The following FBXO38 variants were observed in gnomAD, a reference collection of about 807,000 sequenced individuals.
FBXO38 encodes F-box protein 38.
A neutral mutation model predicts 131.9 loss-of-function variants in FBXO38; 53 were observed. That is an observed-to-expected ratio of 0.40 (90% CI 0.32 to 0.51). The LOEUF (loss-of-function observed/expected upper bound fraction) is 0.51, where lower values mean the gene tolerates loss of function less well. Ranked by LOEUF, FBXO38 falls within the 20% of genes least tolerant of loss-of-function variation. The probability of loss-of-function intolerance (pLI) is 0.53; values close to 1 mark genes in which losing one functional copy is unlikely to be tolerated. For missense variants in FBXO38, 1,076 were observed against 1,475.6 expected, an observed-to-expected ratio of 0.73 and a Z score of 4.44; for synonymous variants, 452 against 505.6, an observed-to-expected ratio of 0.89 and a Z score of 1.42.
intron 13 of FBXO38, among the ~76,000 whole-genome samples, chr5:148,424,968 A>C (rs866905928): frequency 6.6e-6 from 1 of 152,192 alleles, no homozygotes; most frequent in Non-Finnish European, 1.5e-5. Flanking sequence ...CAGATAAAAC[A>C]TTTTTTACAT....
chr5:148,409,697 A>T (rs1752640280), intron 8 of FBXO38, among the ~76,000 whole-genome samples: 1 of 152,246 alleles, frequency 6.6e-6, no homozygotes, highest in Non-Finnish European at 1.5e-5. Context: ...ATATCACTTT[A>T]TGCCACATTT....
In FBXO38 at chr5:148,440,457, C is replaced by T; in HGVS notation, c.3204C>T (p.Ala1068=). 1 of 1,612,574 alleles carries T rather than the reference C, an allele frequency of 6.2e-7. No individual in the cohort carries two copies. Among genetic ancestry groups the T allele is most frequent in the Non-Finnish European group, 8.5e-7 (1 of 1,178,784 alleles). Reference sequence around the variant, plus strand: ...TTAAATATGAATTCTTCCCTGAAGCCACTCGAAGTGAAGAAGACTTAAAGA... The same window carrying T: ...TTAAATATGAATTCTTCCCTGAAGCTACTCGAAGTGAAGAAGACTTAAAGA... ...ELIKYEFFPE[A]TRSEEDLKKY... is the part of the protein sequence containing the mutation. Residue 1068 remains alanine (A), a synonymous_variant, in exon 20 of 22, where the codon GCC becomes GCT. Transcript: ENST00000340253.
chr5:148,386,660 A>G (rs1464567084), intron 1 of FBXO38, among the ~76,000 whole-genome samples: 1 of 152,152 alleles, frequency 6.6e-6, no homozygotes, highest in African/African-American at 2.4e-5. Context: ...GAAGTTGCTA[A>G]GCCTATAGGT....
rs1029739858 is a variant in FBXO38, at chr5:148,401,915, C to T, written c.263-67C>T. 29 of 1,435,806 alleles carry T rather than the reference C, an allele frequency of 2.0e-5. No individual in the cohort carries two copies. The Admixed American group carries it at 2.2e-4, about 11-fold the overall frequency. The allele number at this position is 1,435,806 out of a possible 1,614,324, so 88.9% of individuals were successfully genotyped here. The stretch of plus-strand genomic sequence containing the variant: ...CTTTTTTAACTTTTGGTAAAAATCA[C>T]GAGTGCCTAGTAAATGTTAATGAAC... On this transcript the variant is annotated intron_variant, in intron 3 of 21. Coordinates refer to ENST00000340253, the MANE Select transcript of FBXO38 (RefSeq NM_205836.3).
At chr5:148,414,089 A>G in intron 9 of FBXO38, 47 bp from the exon 10 acceptor site, 2 of 1,559,110 alleles carry the variant, frequency 1.3e-6, no homozygotes, top group Non-Finnish European at 1.7e-6. Context: ...ACTCCCTAAC[A>G]CTTAAGAATT....
At chr5:148,427,145 C>G (rs748587621) in intron 14 of FBXO38, 68 bp from the exon 15 acceptor site, 3 of 1,506,130 alleles carry the variant, frequency 2.0e-6, no homozygotes, top group Admixed American at 4.5e-5. Context: ...TTTACTCTTG[C>G]GTTTTGTCCA....
intron 10 of FBXO38, 60 bp downstream of exon 10, chr5:148,414,366 A>G (rs781307212): frequency 4.0e-5 from 53 of 1,318,658 alleles, no homozygotes; most frequent in Non-Finnish European, 5.2e-5. Context: ...ACAACTTTCC[A>G]TGTTTTCTAT....
Position 148,414,318 on chromosome 5 carries a change from T to G in FBXO38, c.1264+12T>G. ...CAATTGGATCTCAGGTATTACAGACTTAAAAATACAGCTATGTTTTATTGA... is the reference window on the plus strand; with the variant it reads ...CAATTGGATCTCAGGTATTACAGACGTAAAAATACAGCTATGTTTTATTGA... On this transcript the variant is annotated intron_variant, in intron 10 of 21. Coordinates refer to ENST00000340253, the MANE Select transcript of FBXO38 (RefSeq NM_205836.3). 2.5e-6 allele frequency: 4 copies of G among 1,572,192 alleles called. No individual in the cohort carries two copies. The highest frequency in any genetic ancestry group is 3.4e-6 in the Non-Finnish European group (4 of 1,160,684).
In FBXO38 at chr5:148,427,872, A is replaced by G; in HGVS notation, c.2578A>G (p.Asn860Asp). ...SQPESCDVQS[N>D]EDYPRRPLTR... Reference sequence around the variant, plus strand: ...GCCTGAGAGTTGTGACGTGCAGTCTAATGAAGACTACCCTCGGAGGCCCCT... The same window carrying G: ...GCCTGAGAGTTGTGACGTGCAGTCTGATGAAGACTACCCTCGGAGGCCCCT... Residue 860 changes from asparagine to aspartate, a missense_variant, in exon 15 of 22, where the codon AAT (asparagine) becomes GAT (aspartate). By Grantham distance (23) the Asn-to-Asp change is conservative (BLOSUM62 1). Transcript: ENST00000340253. 1.3e-6 allele frequency: 2 copies of G among 1,569,972 alleles called. No homozygotes were observed. Among genetic ancestry groups the G allele is most frequent in the Non-Finnish European group, 1.7e-6 (2 of 1,160,582 alleles).
chr5:148,432,924 G>A (rs1338511493), intron 15 of FBXO38, among the ~76,000 whole-genome samples: 1 of 152,162 alleles, frequency 6.6e-6, no homozygotes, highest in Non-Finnish European at 1.5e-5. Context: ...AAAAAGTAAG[G>A]TCAGAAAACG....
At chr5:148,392,655 A>G (rs1157317328) in intron 1 of FBXO38, among the ~76,000 whole-genome samples, 1 of 150,024 alleles carries the variant, frequency 6.7e-6, no homozygotes, top group African/African-American at 2.5e-5. Context: ...AATGAGTACA[A>G]TTGCCCAGGG....
intron 3 of FBXO38, among the ~76,000 whole-genome samples, chr5:148,401,450 A>G (rs1752145859): frequency 6.6e-6 from 1 of 152,094 alleles, no homozygotes; most frequent in South Asian, 2.1e-4. Context: ...ATAGTTAAAC[A>G]TATGACAGAG....
At chr5:148,417,373 T>TAA (rs1249164664) in intron 12 of FBXO38, among the ~76,000 whole-genome samples, 169 bp downstream of exon 12, 42 of 152,308 alleles carry the variant, frequency 2.8e-4, no homozygotes, top group Admixed American at 8.5e-4. Context: ...TCTCTTTTCT[T>TAA]GCTTGTTTCA....
At chr5:148,420,900 A>G (rs552890939) in intron 12 of FBXO38, among the ~76,000 whole-genome samples, 115 of 151,914 alleles carry the variant, frequency 7.6e-4, no homozygotes, top group Middle Eastern at 3.4e-3. Flanking sequence ...CAAGCAATCC[A>G]ACCAACTCAG....
intron 8 of FBXO38, among the ~76,000 whole-genome samples, chr5:148,409,855 G>C (rs924680757): frequency 6.6e-6 from 1 of 152,092 alleles, no homozygotes; most frequent in Non-Finnish European, 1.5e-5. Context: ...GTTTAGGTAG[G>C]TATTGTTACC....
At chr5:148,423,811 G>A in intron 12 of FBXO38, 187 bp from the exon 13 acceptor site, 1 of 481,968 alleles carries the variant, frequency 2.1e-6, no homozygotes, top group Non-Finnish European at 3.7e-6. Context: ...TTTCTCTCCT[G>A]TAGACTGATT....
chr5:148,425,782 G>A (rs1753682421), intron 14 of FBXO38, 81 bp downstream of exon 14: 1 of 1,228,998 alleles, frequency 8.1e-7, no homozygotes, highest in Non-Finnish European at 1.2e-6. Flanking sequence ...GACAACTTGG[G>A]TGCAGTTAAC....
chr5:148,387,486 AGTCTT>A (rs1332274339), intron 1 of FBXO38, among the ~76,000 whole-genome samples: 1 of 152,114 alleles, frequency 6.6e-6, no homozygotes, highest in Non-Finnish European at 1.5e-5. Flanking sequence ...TAACCACAGA[AGTCTT>A]GAATCCCTCA....
intron 13 of FBXO38, 51 bp from the exon 14 acceptor site, chr5:148,425,471 A>C: frequency 7.1e-7 from 1 of 1,417,416 alleles, no homozygotes; most frequent in East Asian, 2.3e-5. Flanking sequence ...ACTTTGCATT[A>C]GATCCTTTCT....
Sources: gnomAD v4.1 joint callset for allele counts (sites outside exome capture counted in the v4.1 genomes callset) on GRCh38, gnomAD v4.1.1 for gene constraint, MANE v1.5 for transcripts, NCBI Gene and HGNC (gene_info 2026-07-23, HGNC 2026-07-21) for gene names.